The following TTLL11 variants were observed in gnomAD, a reference collection of about 807,000 sequenced individuals.
The protein encoded by TTLL11 is tubulin polyglutamylase TTLL11.
A neutral mutation model predicts 51.7 loss-of-function variants in TTLL11; 42 were observed. That is an observed-to-expected ratio of 0.81 (90% CI 0.64 to 1.05). The LOEUF is 1.05. Ranked by LOEUF, TTLL11 falls within the 50% of genes least tolerant of loss-of-function variation. The pLI, the probability that TTLL11 is intolerant of heterozygous loss-of-function variation, is 0.00. For missense variants in TTLL11, 799 were observed against 940.4 expected, an observed-to-expected ratio of 0.85 and a Z score of 1.97; for synonymous variants, 381 against 383.5, an observed-to-expected ratio of 0.99 and a Z score of 0.08.
At chr9:121,903,967 C>A (rs1395272500) in intron 6 of TTLL11, among the ~76,000 whole-genome samples, 1 of 152,140 alleles carries the variant, frequency 6.6e-6, no homozygotes, top group African/African-American at 2.4e-5. Flanking sequence ...CTCAGGGATA[C>A]CAAATACAAC....
chr9:121,899,112 C>A (rs34619602), intron 6 of TTLL11, among the ~76,000 whole-genome samples: 15,520 of 152,086 alleles, frequency 0.1, 1,097 homozygotes, highest in Non-Finnish European at 0.15. Context: ...TGCTCCAGCT[C>A]TGCTGGCCAC....
intron 3 of TTLL11, among the ~76,000 whole-genome samples, chr9:122,026,943 T>C (rs1234452975): frequency 6.7e-6 from 1 of 150,352 alleles, no homozygotes; most frequent in Non-Finnish European, 1.5e-5. Context: ...TAGCCAGTCG[T>C]ATTAGACTGT....
intron 6 of TTLL11, among the ~76,000 whole-genome samples, chr9:121,936,260 T>C (rs1329690621): frequency 7.3e-6 from 1 of 137,274 alleles, no homozygotes; most frequent in East Asian, 2.0e-4. Context: ...CTTCTTTCTT[T>C]CTTTCTTTTT....
chr9:121,865,836 GAGA>G (rs527844168), intron 7 of TTLL11, among the ~76,000 whole-genome samples: 28 of 152,288 alleles, frequency 1.8e-4, no homozygotes, highest in African/African-American at 3.4e-4. Flanking sequence ...GTCTAGACGA[GAGA>G]AGAACAGTTC....
intron 4 of TTLL11, among the ~76,000 whole-genome samples, chr9:121,988,428 T>C (rs1308537434): frequency 1.4e-5 from 2 of 142,486 alleles, no homozygotes; most frequent in East Asian, 4.1e-4. Context: ...TTCCCTCATC[T>C]CCCCCGCATC....
At chr9:121,904,511 G>A (rs1260530413) in intron 6 of TTLL11, among the ~76,000 whole-genome samples, 2 of 152,174 alleles carry the variant, frequency 1.3e-5, no homozygotes, top group Non-Finnish European at 2.9e-5. Flanking sequence ...TGGCCCATCT[G>A]GAGCCACACC....
At chr9:121,919,847 TAAAA>T (rs59700871) in intron 6 of TTLL11, among the ~76,000 whole-genome samples, 3 of 60,838 alleles carry the variant, frequency 4.9e-5, no homozygotes, top group Admixed American at 3.9e-4. Context: ...CCCTCATCTC[TAAAA>T]AAAAAAAAAA....
At chr9:121,917,288 C>T (rs1840359515) in intron 6 of TTLL11, among the ~76,000 whole-genome samples, 1 of 150,684 alleles carries the variant, frequency 6.6e-6, no homozygotes, top group Admixed American at 6.6e-5. Flanking sequence ...GGCAATATAG[C>T]AAGATCTTAT....
intron 1 of TTLL11, among the ~76,000 whole-genome samples, chr9:122,078,819 T>G (rs1845925754): frequency 6.6e-6 from 1 of 152,136 alleles, no homozygotes; most frequent in Admixed American, 6.5e-5. Flanking sequence ...CACCAAGACA[T>G]AATGCATCTT....
chr9:122,038,958 C>T (rs1426751941), intron 2 of TTLL11, among the ~76,000 whole-genome samples: 4 of 152,202 alleles, frequency 2.6e-5, no homozygotes, highest in African/African-American at 4.8e-5. Context: ...TTTTGTTTCC[C>T]GCAAGAATGA....
chr9:121,909,159 T>C (rs1461814999), intron 6 of TTLL11, among the ~76,000 whole-genome samples: 1 of 152,214 alleles, frequency 6.6e-6, no homozygotes, highest in African/African-American at 2.4e-5. Context: ...ATTTATTCAT[T>C]CATTCTTCCA....
rs200537771 is a variant in TTLL11, at chr9:121,895,428, CGTGT to C, written c.1482-24684_1482-24681del. On this transcript the variant is annotated intron_variant, in intron 6 of 8. Coordinates refer to ENST00000321582, the MANE Select transcript of TTLL11 (RefSeq NM_001139442.2). Reference sequence around the variant, plus strand: ...ACTGTGTGTGCATGAGTGTGCGCTGCGTGTGTGTCTGTGCACGTTTGTGTGGTTG... The same window carrying C: ...ACTGTGTGTGCATGAGTGTGCGCTGCGTGTCTGTGCACGTTTGTGTGGTTG... 6.2e-3 allele frequency among the ~76,000 whole-genome samples: 929 copies of C among 149,742 alleles called. 8 individuals are homozygous for C. The highest frequency in any genetic ancestry group is 0.022 in the African/African-American group (883 of 40,644).
intron 6 of TTLL11, among the ~76,000 whole-genome samples, chr9:121,909,251 C>A (rs1840034383): frequency 6.6e-6 from 1 of 152,174 alleles, no homozygotes; most frequent in Non-Finnish European, 1.5e-5. Flanking sequence ...GATCAAACAG[C>A]AAACTGCTGA....
chr9:122,039,861 ATCTC>A (rs145587739), intron 1 of TTLL11, among the ~76,000 whole-genome samples: 286 of 147,622 alleles, frequency 1.9e-3, no homozygotes, highest in Middle Eastern at 7.0e-3. Flanking sequence ...CTCTTCCCTT[ATCTC>A]TCTCTCTCTC....
chr9:121,923,610 A>G (rs2131530934), intron 6 of TTLL11, among the ~76,000 whole-genome samples: 1 of 151,914 alleles, frequency 6.6e-6, no homozygotes, highest in African/African-American at 2.4e-5. Flanking sequence ...TCATCTTTTA[A>G]TGTACCTCAT....
At chr9:121,846,396 G>A (rs1050500330) in intron 8 of TTLL11, among the ~76,000 whole-genome samples, 3 of 152,084 alleles carry the variant, frequency 2.0e-5, no homozygotes, top group East Asian at 1.9e-4. Context: ...ATTGGTAAGG[G>A]TATAGTTGAA....
At chr9:121,985,598 G>A (rs1016441751) in intron 4 of TTLL11, among the ~76,000 whole-genome samples, 2 of 143,928 alleles carry the variant, frequency 1.4e-5, no homozygotes, top group Non-Finnish European at 1.5e-5. Flanking sequence ...CTCACTGCAA[G>A]CTCCGCCTCC....
At chr9:121,837,517 G>A (rs1347951462) in intron 8 of TTLL11, among the ~76,000 whole-genome samples, 1 of 152,128 alleles carries the variant, frequency 6.6e-6, no homozygotes, top group Non-Finnish European at 1.5e-5. Flanking sequence ...TGGAGCGGGT[G>A]GGGGTGAGGG....
At chr9:122,044,492 C>CTAT (rs1844947515) in intron 1 of TTLL11, among the ~76,000 whole-genome samples, 1 of 152,176 alleles carries the variant, frequency 6.6e-6, no homozygotes, top group Admixed American at 6.5e-5. Flanking sequence ...AAAAGTGTTC[C>CTAT]TATTTCTCCA....
Sources: allele counts gnomAD v4.1 joint callset (sites outside exome capture counted in the v4.1 genomes callset), GRCh38; gene constraint gnomAD v4.1.1; transcripts MANE v1.5; gene names NCBI Gene and HGNC (gene_info 2026-07-23, HGNC 2026-07-21).